The following VAMP7 variants were observed in gnomAD, a reference collection of about 807,000 sequenced individuals.
VAMP7 encodes the protein vesicle associated membrane protein 7, also known as vesicle-associated membrane protein 7.
Under a neutral mutation model 29.6 loss-of-function variants are expected in VAMP7, and 14 were observed. The ratio of observed to expected loss-of-function variants is 0.47; its 90% confidence interval spans 0.31 to 0.74. VAMP7 has a LOEUF of 0.74. Among genes scored for constraint, VAMP7 ranks in the 30% least tolerant of loss-of-function variants. The pLI is 0.05. For synonymous variants in VAMP7, 95 were observed against 88.1 expected (o/e 1.08, Z -0.44); for missense variants, 223 against 262.4 (o/e 0.85, Z 1.04).
intron 6 of VAMP7, among the ~76,000 whole-genome samples, chrX:155,925,587 A>G (rs1174779912): frequency 2.6e-5 from 4 of 152,254 alleles, no homozygotes; most frequent in Non-Finnish European, 4.4e-5. Context: ...ACATCAGTCA[A>G]CATATGCAAG....
At chrX:155,914,463 G>C (rs1415513201) in intron 5 of VAMP7, among the ~76,000 whole-genome samples, 5 of 152,116 alleles carry the variant, frequency 3.3e-5, no homozygotes, top group African/African-American at 4.8e-5. Context: ...AATACTTCCA[G>C]CTTTTGCCCA....
At chrX:155,901,937 C>T (rs2066068532) in intron 5 of VAMP7, among the ~76,000 whole-genome samples, 1 of 152,030 alleles carries the variant, frequency 6.6e-6, no homozygotes, top group Non-Finnish European at 1.5e-5. Flanking sequence ...ATGGGGATGG[C>T]ATTGAATCTA....
At chrX:155,939,091 G>GTA (rs1169208673) in intron 6 of VAMP7, among the ~76,000 whole-genome samples, 1 of 646 alleles carries the variant, frequency 1.5e-3, no homozygotes, top group Non-Finnish European at 3.1e-3. Flanking sequence ...ACATCTGTGG[G>GTA]ACCATACCAG....
intron 1 of VAMP7, among the ~76,000 whole-genome samples, chrX:155,885,786 A>G (rs2065857884): frequency 6.6e-6 from 1 of 152,218 alleles, no homozygotes. Flanking sequence ...CCAAACTATC[A>G]GAAGCTAGAA....
At chrX:155,903,055 T>C (rs1355269133) in intron 5 of VAMP7, among the ~76,000 whole-genome samples, 1 of 151,968 alleles carries the variant, frequency 6.6e-6, no homozygotes, top group Non-Finnish European at 1.5e-5. Flanking sequence ...GAGCCTGTTA[T>C]TGGTCTATTC....
At chrX:155,884,874 T>C (rs1313423345) in intron 1 of VAMP7, among the ~76,000 whole-genome samples, 1 of 152,220 alleles carries the variant, frequency 6.6e-6, no homozygotes, top group African/African-American at 2.4e-5. Flanking sequence ...AGGAGGAGCA[T>C]TTTCATCATT....
At chrX:155,937,854 C>T (rs2066684900) in intron 6 of VAMP7, among the ~76,000 whole-genome samples, 1 of 152,072 alleles carries the variant, frequency 6.6e-6, no homozygotes. Context: ...ATAAATTGAT[C>T]CTGGATTTGC....
intron 5 of VAMP7, among the ~76,000 whole-genome samples, chrX:155,909,619 A>C (rs1191262976): frequency 2.0e-5 from 3 of 152,186 alleles, no homozygotes; most frequent in Admixed American, 2.0e-4. Context: ...TGCCATAACA[A>C]AATTCCATAG....
chrX:155,933,998 A>G (rs755208967), intron 6 of VAMP7, among the ~76,000 whole-genome samples: 1 of 152,316 alleles, frequency 6.6e-6, no homozygotes, highest in East Asian at 1.9e-4. Flanking sequence ...GTCTCCATGT[A>G]GCTGAGCAGT....
chrX:155,902,944 G>C (rs1173223440), intron 5 of VAMP7, among the ~76,000 whole-genome samples: 4 of 151,636 alleles, frequency 2.6e-5, no homozygotes, highest in Non-Finnish European at 5.9e-5. Flanking sequence ...AGAAGGAATG[G>C]TACCAGTTCC....
chrX:155,927,801 G>A (rs1287134649), intron 6 of VAMP7, among the ~76,000 whole-genome samples: 1 of 143,582 alleles, frequency 7.0e-6, no homozygotes, highest in African/African-American at 2.6e-5. Flanking sequence ...CTTTAAAAAT[G>A]CCATTCCATT....
intron 5 of VAMP7, 103 bp from the exon 6 acceptor site, chrX:155,919,710 C>T (rs930489031): frequency 2.0e-6 from 2 of 1,018,510 alleles, no homozygotes; most frequent in Non-Finnish European, 3.0e-6. Flanking sequence ...TGTCCTTTGG[C>T]CCCAGGACAG....
chrX:155,916,301 C>A (rs2066312190), intron 5 of VAMP7, among the ~76,000 whole-genome samples: 1 of 152,086 alleles, frequency 6.6e-6, no homozygotes, highest in South Asian at 2.1e-4. Flanking sequence ...GGTCTTGATT[C>A]TTTATTCAAT....
chrX:155,884,198 G>A lies in VAMP7; in HGVS notation c.-10+2750G>A, dbSNP rs779946118. 9.9e-5 allele frequency among the ~76,000 whole-genome samples: 15 copies of A among 151,800 alleles called. No individual in the cohort carries two copies. The South Asian group carries it at 3.1e-3, about 32-fold the overall frequency. ...GCTGGAGTGCAATGGCATGATCTTGGCTCACCTCAGCCTCCACTTCCCGGG... is the reference window on the plus strand; with the variant it reads ...GCTGGAGTGCAATGGCATGATCTTGACTCACCTCAGCCTCCACTTCCCGGG... On this transcript the variant is annotated intron_variant, in intron 1 of 7. Transcript: ENST00000286448.
At chrX:155,937,566 G>A (rs1321364334) in intron 6 of VAMP7, among the ~76,000 whole-genome samples, 1 of 151,932 alleles carries the variant, frequency 6.6e-6, no homozygotes, top group Non-Finnish European at 1.5e-5. Flanking sequence ...TATACTTCAA[G>A]GCAGAAAAAA....
intron 6 of VAMP7, among the ~76,000 whole-genome samples, chrX:155,938,005 C>A (rs1354228708): frequency 2.0e-5 from 3 of 152,050 alleles, no homozygotes; most frequent in Non-Finnish European, 4.4e-5. Flanking sequence ...AAAATTATGC[C>A]ATTTTATTAA....
chrX:155,938,197 CTTTTT>C (rs1232502827), intron 6 of VAMP7, among the ~76,000 whole-genome samples: 1 of 152,026 alleles, frequency 6.6e-6, no homozygotes, highest in Non-Finnish European at 1.5e-5. Context: ...GTCCCCATTG[CTTTTT>C]TTGTCTCCTC....
chrX:155,935,827 G>T (rs1359443441), intron 6 of VAMP7, among the ~76,000 whole-genome samples: 6 of 152,084 alleles, frequency 3.9e-5, no homozygotes, highest in Non-Finnish European at 7.4e-5. Context: ...CTATCTTTGT[G>T]GTTTTATCTA....
intron 6 of VAMP7, among the ~76,000 whole-genome samples, chrX:155,927,882 T>C (rs1025797155): frequency 2.6e-5 from 4 of 152,048 alleles, no homozygotes; most frequent in Non-Finnish European, 4.4e-5. Context: ...ATAATGATTC[T>C]TACCCCACCT....
Sources: gnomAD v4.1 joint callset for allele counts (sites outside exome capture counted in the v4.1 genomes callset) on GRCh38, gnomAD v4.1.1 for gene constraint, MANE v1.5 for transcripts, NCBI Gene and HGNC (gene_info 2026-07-23, HGNC 2026-07-21) for gene names.